Variants in ZNF407 observed in about 807,000 individuals in gnomAD.
The protein encoded by ZNF407 is zinc finger protein 407.
In ZNF407, 17 loss-of-function variants were observed where a neutral mutation model predicts 131.2. The ratio of observed to expected loss-of-function variants is 0.13; its 90% CI spans 0.09 to 0.19. ZNF407 has a LOEUF of 0.19. Ranked by LOEUF, ZNF407 falls within the 10% of genes least tolerant of loss-of-function variation. The pLI is 1.00. For synonymous variants in ZNF407, 1,156 were observed against 1,062.0 expected (o/e 1.09, Z -1.72); for missense variants, 2,681 against 2,830.6 (o/e 0.95, Z 1.20).
At chr18:75,054,016 C>A (rs1196012641) in intron 8 of ZNF407, among the ~76,000 whole-genome samples, 1 of 152,264 alleles carries the variant, frequency 6.6e-6, no homozygotes, top group African/African-American at 2.4e-5. Flanking sequence ...GGGTTTGGAT[C>A]TCCTGCCTCA....
chr18:74,920,656 G>C lies in ZNF407; in HGVS notation c.5392G>C (p.Asp1798His). ...FRNHLKEQHP[D>H]IENPDLAYLH... ...GAACCATTTGAAGGAACAGCATCCT[G>C]ACATCGAAAACCCGGACCTCGCTTA... The change falls in exon 8 of 9, where the codon GAC (aspartate) becomes CAC (histidine). Residue 1798 changes from aspartate to histidine, a missense_variant. By Grantham distance (81) the Asp-to-His change is moderately conservative (BLOSUM62 -1). This residue lies in a region of ZNF407 where 39 missense variants were observed against 91.8 expected (regional missense o/e 0.42). Coordinates refer to ENST00000299687, the MANE Select transcript of ZNF407 (RefSeq NM_017757.3). The C allele has an allele frequency of 6.2e-7, 1 of 1,610,092 alleles. No homozygotes were observed. Among genetic ancestry groups the C allele is most frequent in the Non-Finnish European group, 8.5e-7 (1 of 1,176,676 alleles).
chr18:74,934,237 G>A (rs1306648799), intron 8 of ZNF407, among the ~76,000 whole-genome samples: 2 of 152,166 alleles, frequency 1.3e-5, no homozygotes, highest in Non-Finnish European at 1.5e-5. Flanking sequence ...GAAGGAAAAG[G>A]CAAGATTCTT....
intron 3 of ZNF407, among the ~76,000 whole-genome samples, chr18:74,641,515 C>T (rs1336250805): frequency 1.3e-5 from 2 of 151,938 alleles, no homozygotes; most frequent in African/African-American, 4.8e-5. Context: ...ACAGTAGTAG[C>T]TCTTTGGATC....
chr18:74,721,714 C>T (rs138215027), intron 3 of ZNF407, among the ~76,000 whole-genome samples: 1 of 152,068 alleles, frequency 6.6e-6, no homozygotes, highest in African/African-American at 2.4e-5. Flanking sequence ...GTGTTTATTA[C>T]CATTTAATGT....
chr18:74,843,281 A>T (rs957930997), intron 4 of ZNF407, among the ~76,000 whole-genome samples: 1 of 152,214 alleles, frequency 6.6e-6, no homozygotes, highest in East Asian at 1.9e-4. Context: ...ATTTATATAA[A>T]TAAAACATAT....
At chr18:74,781,543 G>T in intron 4 of ZNF407, 41 bp downstream of exon 4, 2 of 1,405,320 alleles carry the variant, frequency 1.4e-6, no homozygotes, top group East Asian at 2.7e-5. Context: ...AATACAATTT[G>T]ATTTTTATTT....
At chr18:75,016,531 C>T (rs1443779183) in intron 8 of ZNF407, among the ~76,000 whole-genome samples, 1 of 144,064 alleles carries the variant, frequency 6.9e-6, no homozygotes, top group Non-Finnish European at 1.5e-5. Flanking sequence ...CTGCTGCTGA[C>T]TCATATGTGT....
rs183816255 is a variant in ZNF407, at chr18:74,879,407, G to A, written c.5045-1629G>A. Among the ~76,000 whole-genome samples the A allele has an allele frequency of 1.4e-3, 216 of 152,118 alleles. 1 individual carries two copies. The highest frequency in any genetic ancestry group is 4.7e-3 in the African/African-American group (196 of 41,482). ...CACACGCACAGCAGGCAGCACCCAC[G>A]GACCCGCAACGAGGAATTGATTGGA... is the stretch of plus-strand genomic sequence containing the variant. On this transcript the variant is annotated intron_variant, in intron 5 of 8. Coordinates refer to ENST00000299687, the MANE Select transcript of ZNF407 (RefSeq NM_017757.3).
intron 8 of ZNF407, among the ~76,000 whole-genome samples, chr18:74,951,461 G>A (rs532416193): frequency 2.6e-5 from 4 of 152,134 alleles, no homozygotes; most frequent in Admixed American, 6.5e-5. Flanking sequence ...AACACTGAGC[G>A]TGAGTTCTCA....
At chr18:74,675,127 T>A (rs1370695598) in intron 3 of ZNF407, among the ~76,000 whole-genome samples, 1 of 152,238 alleles carries the variant, frequency 6.6e-6, no homozygotes, top group Non-Finnish European at 1.5e-5. Context: ...TGGCCTTATC[T>A]GTCCCTTGAA....
At chr18:74,663,088 A>G (rs1170294592) in intron 3 of ZNF407, among the ~76,000 whole-genome samples, 4 of 152,214 alleles carry the variant, frequency 2.6e-5, no homozygotes, top group East Asian at 3.8e-4. Flanking sequence ...ACCTGTGCCC[A>G]GGAAAGCAAC....
At chr18:74,881,439 G>A (rs562951439) in intron 6 of ZNF407, among the ~76,000 whole-genome samples, 2 of 152,078 alleles carry the variant, frequency 1.3e-5, no homozygotes, top group Non-Finnish European at 2.9e-5. Context: ...TCTGCCTTAG[G>A]CCTCGTGGGT....
At chr18:74,620,281 G>T (rs1983461516) in intron 1 of ZNF407, among the ~76,000 whole-genome samples, 3 of 152,144 alleles carry the variant, frequency 2.0e-5, no homozygotes. Flanking sequence ...AGGTGAGATG[G>T]CTGTGCTGAT....
At chr18:74,870,494 A>G (rs1971071626) in intron 4 of ZNF407, among the ~76,000 whole-genome samples, 1 of 152,190 alleles carries the variant, frequency 6.6e-6, no homozygotes, top group Non-Finnish European at 1.5e-5. Flanking sequence ...AAACCTTTCT[A>G]TTCTTAGGTC....
intron 8 of ZNF407, among the ~76,000 whole-genome samples, chr18:74,923,947 A>G (rs761957065): frequency 6.6e-6 from 1 of 152,138 alleles, no homozygotes; most frequent in Non-Finnish European, 1.5e-5. Flanking sequence ...CAAAACTCCA[A>G]ACTACCCTAA....
intron 8 of ZNF407, among the ~76,000 whole-genome samples, chr18:75,041,727 A>G (rs1973376271): frequency 6.6e-6 from 1 of 152,218 alleles, no homozygotes; most frequent in Non-Finnish European, 1.5e-5. Flanking sequence ...AACAGTGTTG[A>G]TTGACCACAA....
intron 3 of ZNF407, among the ~76,000 whole-genome samples, chr18:74,676,556 C>T (rs941245658): frequency 6.6e-5 from 10 of 151,834 alleles, no homozygotes; most frequent in African/African-American, 1.9e-4. Context: ...CCTGCCTCAA[C>T]CTCCCGAGTA....
chr18:74,673,528 C>T (rs541268776), intron 3 of ZNF407, among the ~76,000 whole-genome samples: 3 of 152,304 alleles, frequency 2.0e-5, no homozygotes, highest in Admixed American at 1.3e-4. Flanking sequence ...ATTTAATCGC[C>T]TCTGCAGAAT....
chr18:74,958,368 G>T (rs1972300231), intron 8 of ZNF407, among the ~76,000 whole-genome samples: 1 of 152,150 alleles, frequency 6.6e-6, no homozygotes, highest in Non-Finnish European at 1.5e-5. Flanking sequence ...CAGGATTTGG[G>T]TCTCAGGGTT....
Sources: allele counts gnomAD v4.1 joint callset (sites outside exome capture counted in the v4.1 genomes callset), GRCh38; gene constraint gnomAD v4.1.1; regional missense constraint gnomAD v4.1.1; transcripts MANE v1.5; gene names NCBI Gene and HGNC (gene_info 2026-07-23, HGNC 2026-07-21).